Variants in PTPRD observed in about 807,000 individuals in gnomAD.
PTPRD encodes the protein protein tyrosine phosphatase receptor type D.
PTPRD carries 34 observed loss-of-function variants against 214.5 expected under a neutral mutation model. That is an observed-to-expected ratio of 0.16 (90% CI 0.12 to 0.21). The LOEUF is 0.21. PTPRD is among the 10% of genes least tolerant of loss of function. The pLI, the probability that PTPRD is intolerant of heterozygous loss-of-function variation, is 1.00. For synonymous variants in PTPRD, 1,128 were observed against 845.7 expected (o/e 1.33, Z -5.79); for missense variants, 2,545 against 2,398.7 (o/e 1.06, Z -1.27).
intron 5 of PTPRD, among the ~76,000 whole-genome samples, chr9:9,790,495 T>G (rs2098959640): frequency 6.6e-6 from 1 of 152,226 alleles, no homozygotes; most frequent in South Asian, 2.1e-4. Flanking sequence ...CTGCCTGATT[T>G]CAGTGGCTTT....
At chr9:10,212,257 GGAA>G (rs1311806826) in intron 3 of PTPRD, among the ~76,000 whole-genome samples, 1 of 151,912 alleles carries the variant, frequency 6.6e-6, no homozygotes, top group African/African-American at 2.4e-5. Context: ...AGAGTAGGAT[GGAA>G]GAAGGAGACC....
At chr9:10,158,536 C>T (rs1422189697) in intron 3 of PTPRD, among the ~76,000 whole-genome samples, 1 of 152,080 alleles carries the variant, frequency 6.6e-6, no homozygotes, top group Admixed American at 6.6e-5. Context: ...TTCACTGCCA[C>T]TCATAGGAAA....
intron 4 of PTPRD, among the ~76,000 whole-genome samples, chr9:9,980,548 G>T (rs553321554): frequency 8.2e-5 from 11 of 133,430 alleles, no homozygotes; most frequent in South Asian, 2.5e-4. Context: ...GGCAAAGGTT[G>T]CAGTGAGCAG....
intron 2 of PTPRD, among the ~76,000 whole-genome samples, chr9:10,493,123 C>T (rs1175849334): frequency 1.3e-5 from 2 of 151,972 alleles, no homozygotes; most frequent in Admixed American, 1.3e-4. Flanking sequence ...GGAAAATCAT[C>T]TCATGCTTAT....
intron 35 of PTPRD, among the ~76,000 whole-genome samples, chr9:8,405,601 C>T (rs1233503993): frequency 6.6e-6 from 1 of 151,962 alleles, no homozygotes; most frequent in Non-Finnish European, 1.5e-5. Flanking sequence ...AATACTTTTT[C>T]TTTCATCATA....
intron 9 of PTPRD, among the ~76,000 whole-genome samples, chr9:9,324,906 G>A (rs543399962): frequency 6.7e-4 from 102 of 152,140 alleles, no homozygotes; most frequent in African/African-American, 1.2e-3. Flanking sequence ...AGCTTTCTAC[G>A]TATGGCTAGC....
At chr9:8,968,419 G>A (rs2099213594) in intron 11 of PTPRD, among the ~76,000 whole-genome samples, 1 of 151,444 alleles carries the variant, frequency 6.6e-6, no homozygotes, top group African/African-American at 2.4e-5. Flanking sequence ...AGCACCTGTT[G>A]TTTCCTGACT....
intron 8 of PTPRD, among the ~76,000 whole-genome samples, chr9:9,468,437 T>C (rs1569568603): frequency 6.6e-6 from 1 of 152,046 alleles, no homozygotes; most frequent in Non-Finnish European, 1.5e-5. Flanking sequence ...ACAAGTATAC[T>C]TATGTGTGTG....
rs2081367658 is a variant in PTPRD, at chr9:10,612,923, G to A, written c.-943C>T. 6.6e-6 allele frequency among the ~76,000 whole-genome samples: 1 copy of A among 151,316 alleles called. No homozygotes were observed. The highest frequency in any genetic ancestry group is 1.5e-5 in the Non-Finnish European group (1 of 67,766). ...GCTCCGGCCGCCGGCTGCGGGCGCG[G>A]CTGGGCGGGGAGCCGAGGCGGCCGC... On this transcript the variant is annotated 5_prime_UTR_variant, in exon 1 of 46. Transcript: ENST00000381196.
chr9:9,259,995 G>A (rs1013220959), intron 9 of PTPRD, among the ~76,000 whole-genome samples: 58 of 151,850 alleles, frequency 3.8e-4, no homozygotes, highest in Admixed American at 3.8e-3. Context: ...CAAGTAACCT[G>A]ATATTTGCCC....
chr9:9,842,651 T>G (rs1338973715), intron 5 of PTPRD, among the ~76,000 whole-genome samples: 1 of 151,454 alleles, frequency 6.6e-6, no homozygotes, highest in Non-Finnish European at 1.5e-5. Context: ...TAAAAACTAA[T>G]CAACTATCTA....
chr9:9,557,168 C>T (rs1435598876), intron 8 of PTPRD, among the ~76,000 whole-genome samples: 1 of 152,180 alleles, frequency 6.6e-6, no homozygotes, highest in Non-Finnish European at 1.5e-5. Flanking sequence ...TGTATGTACC[C>T]TCCTCTCAGC....
Position 8,518,123 on chromosome 9 carries a change from T to A in PTPRD, c.1268A>T (p.Asp423Val), listed in dbSNP as rs2138521012. 6.2e-7 allele frequency: 1 copy of A among 1,614,168 alleles called. No individual in the cohort carries two copies. The highest frequency in any genetic ancestry group is 8.5e-7 in the Non-Finnish European group (1 of 1,180,026). Residue 423 changes from aspartate (D) to valine (V), a missense_variant, in exon 21 of 46, where the codon GAT becomes GTT. Transcript: ENST00000381196. Reference sequence around the variant, plus strand: ...CGAACTCAACATTCGTGCCTGGACATCCCTCGGGGCACTGGATGGTGCTTG... The same window carrying A: ...CGAACTCAACATTCGTGCCTGGACAACCCTCGGGGCACTGGATGGTGCTTG... ...SEQAPSSAPR[D>V]VQARMLSSTT...
chr9:8,316,016 T>C lies in PTPRD; in HGVS notation c.*1858A>G, dbSNP rs1371559740. 8.8e-6 allele frequency: 2 copies of C among 228,054 alleles called. No individual in the cohort carries two copies. Among genetic ancestry groups the C allele is most frequent in the Non-Finnish European group, 1.7e-5 (2 of 114,652 alleles). The allele number at this position is 228,054 out of a possible 1,614,324, so 14.1% of individuals were successfully genotyped here. On this transcript the variant is annotated 3_prime_UTR_variant, in exon 46 of 46. Coordinates refer to ENST00000381196, the MANE Select transcript of PTPRD (RefSeq NM_002839.4). ...AAATATATTCCAAAGTTGCCAATGA[T>C]ATTTGTTACTAAAATAAGTTTGGTG...
At chr9:9,371,827 T>G (rs187073317) in intron 9 of PTPRD, among the ~76,000 whole-genome samples, 7,025 of 151,970 alleles carry the variant, frequency 0.046, 532 homozygotes, top group African/African-American at 0.16. Context: ...TGTTCTCGTT[T>G]GTTTCAAAGA....
At chr9:9,919,332 C>T (rs2081887312) in intron 5 of PTPRD, among the ~76,000 whole-genome samples, 1 of 152,116 alleles carries the variant, frequency 6.6e-6, no homozygotes, top group South Asian at 2.1e-4. Context: ...TTGGCCCAAA[C>T]TTCACCTCAA....
intron 11 of PTPRD, among the ~76,000 whole-genome samples, chr9:8,850,999 G>A (rs141175586): frequency 6.6e-6 from 1 of 152,258 alleles, no homozygotes; most frequent in East Asian, 1.9e-4. Context: ...ATTTCTCCCT[G>A]TAAAATTGTA....
intron 8 of PTPRD, among the ~76,000 whole-genome samples, chr9:9,530,913 G>C (rs979990504): frequency 6.6e-6 from 1 of 152,086 alleles, no homozygotes; most frequent in South Asian, 2.1e-4. Flanking sequence ...ATGATGAGGA[G>C]GGGTTGGTGA....
At chr9:10,491,063 T>C (rs565553467) in intron 2 of PTPRD, among the ~76,000 whole-genome samples, 1 of 152,200 alleles carries the variant, frequency 6.6e-6, no homozygotes, top group Non-Finnish European at 1.5e-5. Flanking sequence ...GCAAGCTTCC[T>C]GAATGCAAAG....
Sources: gnomAD v4.1 joint callset for allele counts (sites outside exome capture counted in the v4.1 genomes callset) on GRCh38, gnomAD v4.1.1 for gene constraint, MANE v1.5 for transcripts, NCBI Gene and HGNC (gene_info 2026-07-23, HGNC 2026-07-21) for gene names.